The following IPP variants were observed in gnomAD, a reference collection of about 807,000 sequenced individuals.
The protein encoded by IPP is intracisternal A particle-promoted polypeptide, also known as actin-binding protein IPP.
A neutral mutation model predicts 64.1 loss-of-function variants in IPP; 41 were observed. That is an observed-to-expected ratio of 0.64 (90% CI 0.50 to 0.83). IPP has a LOEUF of 0.83. IPP is among the 40% of genes least tolerant of loss of function. The probability of loss-of-function intolerance (pLI) is 0.00; values close to 1 mark genes in which losing one functional copy is unlikely to be tolerated. For missense variants in IPP, 649 were observed against 703.0 expected (o/e 0.92, Z 0.87); for synonymous variants, 214 against 235.2 (o/e 0.91, Z 0.83).
chr1:45,749,047 C>A (rs1022619619), intron 1 of IPP, among the ~76,000 whole-genome samples: 2 of 151,948 alleles, frequency 1.3e-5, no homozygotes, highest in Non-Finnish European at 2.9e-5. Context: ...TGACCTGGAA[C>A]TATTATCAAC....
intron 3 of IPP, among the ~76,000 whole-genome samples, chr1:45,731,409 C>G (rs1645903586): frequency 1.3e-5 from 2 of 152,160 alleles, no homozygotes; most frequent in South Asian, 4.1e-4. Context: ...TACTGCATGA[C>G]AGTGTGAGTG....
At chr1:45,736,110 CAAA>C (rs766679158) in intron 3 of IPP, among the ~76,000 whole-genome samples, 3 of 111,162 alleles carry the variant, frequency 2.7e-5, no homozygotes, top group South Asian at 2.9e-4. Flanking sequence ...GACTCCATCT[CAAA>C]AAAAAAAAAA....
chr1:45,700,405 G>A (rs186566596), intron 8 of IPP, among the ~76,000 whole-genome samples: 34 of 151,546 alleles, frequency 2.2e-4, no homozygotes, highest in Non-Finnish European at 4.3e-4. Context: ...GCACAGCAAC[G>A]ATCTCGGCTC....
chr1:45,717,448 A>G (rs1645676163), intron 6 of IPP, among the ~76,000 whole-genome samples: 1 of 152,040 alleles, frequency 6.6e-6, no homozygotes, highest in African/African-American at 2.4e-5. Flanking sequence ...TATTTGGTGT[A>G]ATTTCAGGAA....
Position 45,714,388 on chromosome 1 carries a change from T to C in IPP, c.1388A>G (p.Lys463Arg). Reference sequence around the variant, plus strand: ...CATTGGAGGAAGTGGAGACCAACGCTTAGAAAGTGGATCATAGACTTCAAA... The same window carrying C: ...CATTGGAGGAAGTGGAGACCAACGCCTAGAAAGTGGATCATAGACTTCAAA... ...RSFEVYDPLS[K>R]RWSPLPPMGT... Residue 463 changes from lysine to arginine, a missense_variant, in exon 8 of 9, where the codon AAG becomes AGG. Coordinates refer to ENST00000396478, the MANE Select transcript of IPP (RefSeq NM_005897.3). 1.2e-6 allele frequency: 2 copies of C among 1,614,022 alleles called. No individual in the cohort carries two copies. The highest frequency in any genetic ancestry group is 2.2e-5 in the South Asian group (2 of 91,080).
chr1:45,714,558 G>A lies in IPP; in HGVS notation c.1310-92C>T, dbSNP rs1275028542. 1.6e-5 allele frequency: 12 copies of A among 768,872 alleles called. 1 individual carries two copies. Among genetic ancestry groups the A allele is most frequent in the South Asian group, 3.2e-5 (2 of 63,372 alleles). 47.6% of individuals were successfully genotyped at this position (768,872 alleles called of 1,614,324 possible). A position where few individuals can be genotyped will look rare whatever the true frequency, so the allele number is the denominator to read the frequency against. ...GATTGTGATCTATGTTTCCAATGCC[G>A]ATGCTATGTTTAATCTAGGGCTTAC... is the stretch of plus-strand genomic sequence containing the variant. On this transcript the variant is annotated intron_variant, in intron 7 of 8. Coordinates refer to ENST00000396478, the MANE Select transcript of IPP (RefSeq NM_005897.3).
intron 3 of IPP, among the ~76,000 whole-genome samples, chr1:45,739,577 T>C (rs968654361): frequency 1.3e-5 from 2 of 151,968 alleles, no homozygotes; most frequent in Non-Finnish European, 2.9e-5. Flanking sequence ...TAGAAATAAA[T>C]TTAAACATCA....
At chr1:45,727,947 G>T in intron 4 of IPP, 149 bp from the exon 5 acceptor site, 1 of 517,708 alleles carries the variant, frequency 1.9e-6, no homozygotes, top group Non-Finnish European at 3.0e-6. Context: ...GCCAATTCCT[G>T]AAAGATTGTG....
At chr1:45,709,578 T>C (rs76990786) in intron 8 of IPP, among the ~76,000 whole-genome samples, 3 of 149,416 alleles carry the variant, frequency 2.0e-5, no homozygotes, top group East Asian at 4.1e-4. Context: ...GGCACGGTGG[T>C]TCACGCCTGT....
chr1:45,695,717 T>C (rs1295701186), downstream of IPP, among the ~76,000 whole-genome samples: 1 of 152,118 alleles, frequency 6.6e-6, no homozygotes, highest in Non-Finnish European at 1.5e-5. Context: ...TTGCCCAGGC[T>C]GGAGTGCAAT....
chr1:45,733,688 C>A (rs372044581), intron 3 of IPP, among the ~76,000 whole-genome samples: 9 of 151,714 alleles, frequency 5.9e-5, no homozygotes, highest in African/African-American at 1.7e-4. Context: ...AAAAATTAGT[C>A]GGGTGTGGCG....
At chr1:45,719,651 C>T (rs1280901399) in intron 5 of IPP, among the ~76,000 whole-genome samples, 1 of 152,072 alleles carries the variant, frequency 6.6e-6, no homozygotes, top group African/African-American at 2.4e-5. Flanking sequence ...TTTTTTTTCA[C>T]ATATTAGTTT....
downstream of IPP, among the ~76,000 whole-genome samples, chr1:45,696,125 A>G (rs1186743158): frequency 2.0e-5 from 3 of 152,348 alleles, no homozygotes; most frequent in East Asian, 1.9e-4. Flanking sequence ...TATTTTCCAG[A>G]ATAGAGGCAA....
intron 1 of IPP, among the ~76,000 whole-genome samples, chr1:45,749,507 G>GT: frequency 7.2e-6 from 1 of 138,318 alleles, no homozygotes; most frequent in South Asian, 2.5e-4. Context: ...TTTTTTTTTT[G>GT]TTTTGTTTTT....
chr1:45,737,020 G>A lies in IPP; in HGVS notation c.724+3881C>T, dbSNP rs919498965. Among the ~76,000 whole-genome samples, 4 of 142,800 alleles carry A rather than the reference G, an allele frequency of 2.8e-5. No homozygotes were observed. The East Asian group carries it at 8.2e-4, about 29-fold the overall frequency. The allele number at this position is 142,800 out of a possible 152,430, so 93.7% of individuals were successfully genotyped here. On this transcript the variant is annotated intron_variant, in intron 3 of 8. Transcript: ENST00000396478. ...ATCGCGCCACTGCACTCCAGCCTGG[G>A]CGACAGAGCGAGACTCCATCTCAAA...
At position 45,740,401 on chromosome 1, in the gene IPP, G is replaced by A. The variant is rs375891842; in HGVS notation, c.724+500C>T. The stretch of plus-strand genomic sequence containing the variant: ...TCCTCACTTCCCAGTAGGGGCGGCC[G>A]GGCAGAGGCGCCCCTCACCTCCCGG... On this transcript the variant is annotated intron_variant, in intron 3 of 8. Transcript: ENST00000396478. Among the ~76,000 whole-genome samples the A allele has an allele frequency of 3.1e-3, 466 of 152,286 alleles. 3 individuals carry two copies. The highest frequency in any genetic ancestry group is 0.022 in the East Asian group (114 of 5,182).
chr1:45,735,680 A>AGTGCAGTG (rs1248205914), intron 3 of IPP, among the ~76,000 whole-genome samples: 1 of 108,932 alleles, frequency 9.2e-6, no homozygotes, highest in Admixed American at 1.2e-4. Context: ...GCCAGGCTGG[A>AGTGCAGTG]GTGCAGTGGT....
At chr1:45,733,392 T>G (rs1645935938) in intron 3 of IPP, among the ~76,000 whole-genome samples, 1 of 151,094 alleles carries the variant, frequency 6.6e-6, no homozygotes, top group Non-Finnish European at 1.5e-5. Context: ...CACCACTGAC[T>G]CCAGCCTGGG....
intron 3 of IPP, among the ~76,000 whole-genome samples, chr1:45,734,022 T>C (rs1309953445): frequency 6.6e-6 from 1 of 151,740 alleles, no homozygotes; most frequent in Non-Finnish European, 1.5e-5. Context: ...GAAAAGACCA[T>C]GGTCAAAAAG....
Sources: gnomAD v4.1 joint callset for allele counts (sites outside exome capture counted in the v4.1 genomes callset) on GRCh38, gnomAD v4.1.1 for gene constraint, MANE v1.5 for transcripts, NCBI Gene and HGNC (gene_info 2026-07-23, HGNC 2026-07-21) for gene names.